Variants in RNASET2 observed in about 807,000 individuals in gnomAD.
The protein encoded by RNASET2 is ribonuclease T2.
In RNASET2, 28 loss-of-function variants were observed where a neutral mutation model predicts 33.9. That is an observed-to-expected ratio of 0.83 (90% CI 0.61 to 1.13). The LOEUF (loss-of-function observed/expected upper bound fraction) is 1.13. Among genes scored for constraint, RNASET2 ranks in the 50% most tolerant of loss-of-function variants. The pLI is 0.00. For missense variants in RNASET2, 330 were observed against 319.9 expected (o/e 1.03, Z -0.24); for synonymous variants, 123 against 121.0 (o/e 1.02, Z -0.11).
rs1184087079 is a variant in RNASET2, at chr6:166,933,913, C to G, written c.492+178G>C. ...TCACTGGTCTAAGCAGCCTTCAGCT[C>G]CTACTCAACATGCGCAGGAAAATAA... On this transcript the variant is annotated intron_variant, in intron 7 of 8. Transcript: ENST00000508775. The surrounding 1 kb of genome is among the most constrained non-coding windows in gnomAD (Gnocchi z 4.1). 4.6e-6 allele frequency: 3 copies of G among 656,492 alleles called. No homozygotes were observed. The highest frequency in any genetic ancestry group is 8.3e-6 in the Non-Finnish European group (3 of 362,462). The allele number at this position is 656,492 out of a possible 1,614,324, so 40.7% of individuals were successfully genotyped here.
rs997629083 is a variant in RNASET2 at position 166,924,978 on chromosome 6, C to T, written c.*4610G>A. On this transcript the variant is annotated 3_prime_UTR_variant, in exon 9 of 9. Coordinates refer to ENST00000508775, the MANE Select transcript of RNASET2 (RefSeq NM_003730.6). ...ATTTAGTGGCAGGAGAAGTACAGGCCTCACCTCCACCGCGCAGGCCTCATC... is the reference window on the plus strand; with the variant it reads ...ATTTAGTGGCAGGAGAAGTACAGGCTTCACCTCCACCGCGCAGGCCTCATC... Among the ~76,000 whole-genome samples, 1 of 152,132 alleles carries T rather than the reference C, an allele frequency of 6.6e-6. No individual in the cohort carries two copies. Among genetic ancestry groups the T allele is most frequent in the Non-Finnish European group, 1.5e-5 (1 of 68,008 alleles).
In RNASET2 at chr6:166,923,089, T is replaced by C. The variant is rs1778256582; in HGVS notation, c.*6499A>G. ...ATTTAATGGATCTTAACTTTATCCA[T>C]CTCAAACTTTCTTTTGGAGATGGAG... is the stretch of plus-strand genomic sequence containing the variant. On this transcript the variant is annotated 3_prime_UTR_variant, in exon 9 of 9. Transcript: ENST00000508775. Among the ~76,000 whole-genome samples the C allele has an allele frequency of 6.6e-6, 1 of 152,224 alleles. No homozygotes were observed. Among genetic ancestry groups the C allele is most frequent in the Non-Finnish European group, 1.5e-5 (1 of 68,034 alleles).
chr6:166,946,954 GT>G, intron 3 of RNASET2: 1 of 620,830 alleles, frequency 1.6e-6, no homozygotes, highest in Non-Finnish European at 2.9e-6. Flanking sequence ...AAGAAATTGT[GT>G]TAAACCGTCC....
Position 166,923,979 on chromosome 6 carries a change from A to T in RNASET2, c.*5609T>A, listed in dbSNP as rs1397391310. On this transcript the variant is annotated 3_prime_UTR_variant, in exon 9 of 9. Coordinates refer to ENST00000508775, the MANE Select transcript of RNASET2 (RefSeq NM_003730.6). ...TTAGGACCTGCATTAAATTATTTTT[A>T]TTCCTGATCCAAAGTTCGCAGAAAC... Among the ~76,000 whole-genome samples, 4 of 152,230 alleles carry T rather than the reference A, an allele frequency of 2.6e-5. No homozygotes were observed. Among genetic ancestry groups the T allele is most frequent in the Admixed American group, 2.6e-4 (4 of 15,292 alleles).
At position 166,926,603 on chromosome 6, in the gene RNASET2, T is replaced by C. The variant is rs1036696900; in HGVS notation, c.*2985A>G. On this transcript the variant is annotated 3_prime_UTR_variant, in exon 9 of 9. Transcript: ENST00000508775. ...AATATGATACAATTGCTACTGTTAG[T>C]TATTCAAGCGCATAATGATCTCCCA... 6.6e-6 allele frequency among the ~76,000 whole-genome samples: 1 copy of C among 151,802 alleles called. No individual in the cohort carries two copies. The highest frequency in any genetic ancestry group is 2.4e-5 in the African/African-American group (1 of 41,310).
chr6:166,945,859 A>G (rs1778828114), intron 4 of RNASET2, among the ~76,000 whole-genome samples: 1 of 151,644 alleles, frequency 6.6e-6, no homozygotes, highest in Non-Finnish European at 1.5e-5. Context: ...AAAAGAAAAG[A>G]AAAAAAGAAC....
intron 2 of RNASET2, among the ~76,000 whole-genome samples, chr6:166,949,500 CAAAAAAA>C (rs61621125): frequency 1.1e-3 from 47 of 44,406 alleles, no homozygotes; most frequent in Admixed American, 2.8e-3. Context: ...GACTCCATCT[CAAAAAAA>C]AAAAAAAAAA....
At position 166,955,375 on chromosome 6, in the gene RNASET2, G is replaced by GCACACGCGCACA. The variant is rs1779131211; in HGVS notation, c.86+721_86+722insTGTGCGCGTGTG. 7 of 228,490 alleles carry GCACACGCGCACA rather than the reference G, an allele frequency of 3.1e-5. No individual in the cohort carries two copies. The African/African-American group carries it at 5.7e-4, about 19-fold the overall frequency. The allele number at this position is 228,490 out of a possible 1,614,324, so 14.2% of individuals were successfully genotyped here. A position where few individuals can be genotyped will look rare whatever the true frequency, so the allele number is the denominator to read the frequency against. On this transcript the variant is annotated intron_variant, in intron 1 of 8. Transcript: ENST00000508775. ...CGCACACACACACGCACACACAAAC[G>GCACACGCGCACA]CACACGCACACACACACACGCGCAC...
chr6:166,946,681 C>A lies in RNASET2; in HGVS notation c.261+1G>T. The A allele has an allele frequency of 1.3e-6, 2 of 1,500,412 alleles. No individual in the cohort carries two copies. The highest frequency in any genetic ancestry group is 1.8e-6 in the Non-Finnish European group (2 of 1,088,244). The allele number at this position is 1,500,412 out of a possible 1,614,324, so 92.9% of individuals were successfully genotyped here. On this transcript the variant is annotated splice_donor_variant, in intron 4 of 8. Transcript: ENST00000508775. LOFTEE classifies it high-confidence loss of function. ...GTAGAAATATAATTAAAAGTCAATACCTTAATCTCTTCTAAATTGAAGGGC... is the reference window on the plus strand; with the variant it reads ...GTAGAAATATAATTAAAAGTCAATAACTTAATCTCTTCTAAATTGAAGGGC...
intron 5 of RNASET2, among the ~76,000 whole-genome samples, chr6:166,942,337 AC>A (rs1428970742): frequency 6.6e-5 from 10 of 151,856 alleles, no homozygotes; most frequent in Non-Finnish European, 2.9e-5. Flanking sequence ...ACAGGTGTGA[AC>A]CACTGTGCCT....
At chr6:166,935,245 ATTT>A (rs748988312) in intron 6 of RNASET2, among the ~76,000 whole-genome samples, 8 of 151,928 alleles carry the variant, frequency 5.3e-5, no homozygotes, top group Non-Finnish European at 1.2e-4. Context: ...TAGCTTATTA[ATTT>A]TTTAATATTT....
intron 3 of RNASET2, 108 bp downstream of exon 3, chr6:166,948,462 A>G (rs1192595962): frequency 6.4e-6 from 5 of 778,612 alleles, no homozygotes; most frequent in Admixed American, 5.3e-5. Flanking sequence ...TCTATTGGAT[A>G]AACTCCTAAA....
At chr6:166,938,652 GTGCCCAGATGGGCATCCCAATAC>G in intron 6 of RNASET2, 1 of 740,488 alleles carries the variant, frequency 1.4e-6, no homozygotes, top group Non-Finnish European at 2.5e-6. Flanking sequence ...TGATGAGATG[GTGCCCAGATGGGCATCCCAATAC>G]TCTGCACCCA....
In RNASET2 at chr6:166,926,254, T is replaced by G. The variant is rs975288682; in HGVS notation, c.*3334A>C. ...AGTTTCGGTGGAAAGATAAGATACC[T>G]GGGCCAGGCGCGGTGGCTCACACCT... On this transcript the variant is annotated 3_prime_UTR_variant, in exon 9 of 9. Coordinates refer to ENST00000508775, the MANE Select transcript of RNASET2 (RefSeq NM_003730.6). 6.6e-6 allele frequency among the ~76,000 whole-genome samples: 1 copy of G among 151,174 alleles called. No homozygotes were observed. The highest frequency in any genetic ancestry group is 6.6e-5 in the Admixed American group (1 of 15,146).
Position 166,927,713 on chromosome 6 carries a change from CAAAAAAAAAAAAA to C in RNASET2, c.*1862_*1874del, listed in dbSNP as rs58837223. Among the ~76,000 whole-genome samples, 3 of 47,342 alleles carry C rather than the reference CAAAAAAAAAAAAA, an allele frequency of 6.3e-5. No individual in the cohort carries two copies. Among genetic ancestry groups the C allele is most frequent in the East Asian group, 1.3e-3 (2 of 1,514 alleles). The allele number at this position is 47,342 out of a possible 152,430, so 31.1% of individuals were successfully genotyped here. A position where few individuals can be genotyped will look rare whatever the true frequency, so the allele number is the denominator to read the frequency against. On this transcript the variant is annotated 3_prime_UTR_variant, in exon 9 of 9. Coordinates refer to ENST00000508775, the MANE Select transcript of RNASET2 (RefSeq NM_003730.6). Reference sequence around the variant, plus strand: ...TGATCCCTGTGTTCGCAAAATGACTCAAAAAAAAAAAAAAAAAAAAAAAGAATTGACATCATTT... The same window carrying C: ...TGATCCCTGTGTTCGCAAAATGACTCAAAAAAAAAAGAATTGACATCATTT...
In RNASET2 at chr6:166,922,549, T is replaced by C. The variant is rs1778250452; in HGVS notation, c.*7039A>G. Among the ~76,000 whole-genome samples the C allele has an allele frequency of 6.6e-6, 1 of 152,232 alleles. No individual in the cohort carries two copies. Among genetic ancestry groups the C allele is most frequent in the African/African-American group, 2.4e-5 (1 of 41,464 alleles). On this transcript the variant is annotated 3_prime_UTR_variant, in exon 9 of 9. Coordinates refer to ENST00000508775, the MANE Select transcript of RNASET2 (RefSeq NM_003730.6). ...AAATGTCTCTTCCCATGGCTGAGTCTATTCTGCTCTAAAACATTCAGAGAA... is the reference window on the plus strand; with the variant it reads ...AAATGTCTCTTCCCATGGCTGAGTCCATTCTGCTCTAAAACATTCAGAGAA...
In RNASET2 at chr6:166,929,190, G is replaced by C. The variant is rs1261862214; in HGVS notation, c.*398C>G. On this transcript the variant is annotated 3_prime_UTR_variant, in exon 9 of 9. Coordinates refer to ENST00000508775, the MANE Select transcript of RNASET2 (RefSeq NM_003730.6). ...AGGCATCAGCGTGGGCTCCTGCCAT[G>C]CGTGGAGCTCTTCGTCTTGACAGGG... is the stretch of plus-strand genomic sequence containing the variant. 6.6e-6 allele frequency among the ~76,000 whole-genome samples: 1 copy of C among 152,244 alleles called. No homozygotes were observed. Among genetic ancestry groups the C allele is most frequent in the Non-Finnish European group, 1.5e-5 (1 of 68,046 alleles).
At chr6:166,951,624 G>A (rs1465136536) in intron 2 of RNASET2, among the ~76,000 whole-genome samples, 1 of 152,240 alleles carries the variant, frequency 6.6e-6, no homozygotes, top group Non-Finnish European at 1.5e-5. Flanking sequence ...TGCCCCTTCA[G>A]CTCCTATCTC....
chr6:166,937,293 C>T (rs1778592226), intron 6 of RNASET2, among the ~76,000 whole-genome samples: 2 of 152,172 alleles, frequency 1.3e-5, no homozygotes, highest in South Asian at 4.1e-4. Flanking sequence ...TGCACCACCA[C>T]ACCTGGCTAA....
Sources: allele counts gnomAD v4.1 joint callset (sites outside exome capture counted in the v4.1 genomes callset), GRCh38; gene constraint gnomAD v4.1.1; non-coding constraint Gnocchi (gnomAD v3.1); transcripts MANE v1.5; gene names NCBI Gene and HGNC (gene_info 2026-07-23, HGNC 2026-07-21).